Variants in TRAPPC9 observed in about 807,000 individuals in gnomAD.
The protein encoded by TRAPPC9 is trafficking protein particle complex subunit 9.
In TRAPPC9, 83 loss-of-function variants were observed where a neutral mutation model predicts 124.0. That is an observed-to-expected ratio of 0.67 (90% CI 0.56 to 0.80). The LOEUF (loss-of-function observed/expected upper bound fraction) is 0.80. Among genes scored for constraint, TRAPPC9 ranks in the 30% least tolerant of loss-of-function variants. The pLI, the probability that TRAPPC9 is intolerant of heterozygous loss-of-function variation, is 0.00. For missense variants in TRAPPC9, 1,302 were observed against 1,508.3 expected (o/e 0.86, Z 2.27); for synonymous variants, 638 against 617.5 (o/e 1.03, Z -0.49).
intron 21 of TRAPPC9, among the ~76,000 whole-genome samples, chr8:139,875,402 C>A (rs910706934): frequency 6.6e-6 from 1 of 152,216 alleles, no homozygotes; most frequent in African/African-American, 2.4e-5. Context: ...ACACTGGGGG[C>A]CTGTGAACAG....
chr8:139,758,803 A>G (rs906659417), intron 21 of TRAPPC9, among the ~76,000 whole-genome samples: 1 of 152,232 alleles, frequency 6.6e-6, no homozygotes, highest in African/African-American at 2.4e-5. Context: ...TATGCTACAA[A>G]TCAGCCAAGT....
chr8:140,302,898 T>C (rs1360149602), intron 10 of TRAPPC9: 1 of 152,174 alleles, frequency 6.6e-6, no homozygotes, highest in Non-Finnish European at 1.5e-5. Flanking sequence ...TCCTGAATGC[T>C]GCTATACATT....
chr8:140,169,333 C>A (rs1206849843), intron 17 of TRAPPC9, among the ~76,000 whole-genome samples: 3 of 152,120 alleles, frequency 2.0e-5, no homozygotes, highest in Non-Finnish European at 4.4e-5. Context: ...TCGCGCATGA[C>A]TGGCGGAAAT....
intron 17 of TRAPPC9, among the ~76,000 whole-genome samples, chr8:140,176,894 T>C (rs1189937573): frequency 6.6e-6 from 1 of 152,240 alleles, no homozygotes; most frequent in East Asian, 1.9e-4. Context: ...TGCATTTCCT[T>C]ACTGACAAGT....
chr8:139,888,605 T>TG (rs1482295209), intron 20 of TRAPPC9, among the ~76,000 whole-genome samples: 1 of 152,166 alleles, frequency 6.6e-6, no homozygotes, highest in Non-Finnish European at 1.5e-5. Context: ...CGAACTCCCT[T>TG]GGGGGTCTTA....
chr8:140,215,023 C>T (rs148905946), intron 17 of TRAPPC9, among the ~76,000 whole-genome samples: 1 of 152,182 alleles, frequency 6.6e-6, no homozygotes, highest in Non-Finnish European at 1.5e-5. Flanking sequence ...GATGCCCCTA[C>T]AGCAATAGAT....
At chr8:139,790,827 G>A (rs1344272767) in intron 21 of TRAPPC9, among the ~76,000 whole-genome samples, 1 of 152,162 alleles carries the variant, frequency 6.6e-6, no homozygotes, top group Non-Finnish European at 1.5e-5. Flanking sequence ...ACTCGATGTA[G>A]GGGTGGATTT....
chr8:139,748,489 C>T (rs548637122), intron 21 of TRAPPC9, among the ~76,000 whole-genome samples: 13 of 105,510 alleles, frequency 1.2e-4, no homozygotes, highest in African/African-American at 1.6e-4. Context: ...GGTGTCAGAG[C>T]AGGTAGGGGG....
intron 21 of TRAPPC9, among the ~76,000 whole-genome samples, chr8:139,796,134 A>AAGGAGGAGGAAGAGGAGG (rs1563819923): frequency 8.1e-6 from 1 of 123,798 alleles, no homozygotes; most frequent in Non-Finnish European, 1.8e-5. Context: ...GGAAGAGGAG[A>AAGGAGGAGGAAGAGGAGG]AGGAGGAGGA....
chr8:140,280,965 G>A (rs577617342), intron 14 of TRAPPC9, among the ~76,000 whole-genome samples: 3 of 152,334 alleles, frequency 2.0e-5, no homozygotes, highest in South Asian at 4.1e-4. Context: ...ACTGGGGCAC[G>A]TGTCCCTTCG....
intron 19 of TRAPPC9, among the ~76,000 whole-genome samples, chr8:139,976,361 A>G (rs1288357146): frequency 6.6e-6 from 1 of 152,230 alleles, no homozygotes; most frequent in Non-Finnish European, 1.5e-5. Flanking sequence ...CATATTTGTG[A>G]CCATGGATTA....
At chr8:140,364,990 C>T (rs1268186795) in intron 8 of TRAPPC9, among the ~76,000 whole-genome samples, 1 of 150,624 alleles carries the variant, frequency 6.6e-6, no homozygotes, top group Non-Finnish European at 1.5e-5. Context: ...CAACCAAAGG[C>T]CAGGGAGGGC....
At chr8:140,308,147 A>C (rs1284059807) in intron 10 of TRAPPC9, among the ~76,000 whole-genome samples, 1 of 151,996 alleles carries the variant, frequency 6.6e-6, no homozygotes, top group Admixed American at 6.6e-5. Context: ...GCCTCAACGA[A>C]GGAACAAAAC....
At chr8:139,841,903 C>T (rs1826758087) in intron 21 of TRAPPC9, among the ~76,000 whole-genome samples, 2 of 152,236 alleles carry the variant, frequency 1.3e-5, no homozygotes, top group Non-Finnish European at 2.9e-5. Context: ...AGCCACAGGA[C>T]AATGTCCAGG....
At chr8:140,423,130 A>T (rs2070280602) in intron 5 of TRAPPC9, among the ~76,000 whole-genome samples, 1 of 152,140 alleles carries the variant, frequency 6.6e-6, no homozygotes, top group African/African-American at 2.4e-5. Context: ...CTTCCTAGAC[A>T]TACACATAAT....
At chr8:139,994,330 G>A (rs986672820) in intron 18 of TRAPPC9, among the ~76,000 whole-genome samples, 7 of 152,344 alleles carry the variant, frequency 4.6e-5, no homozygotes, top group Middle Eastern at 3.4e-3. Context: ...CACACTGTGC[G>A]CCTGAGGCAC....
chr8:140,111,677 G>C (rs1243372404), intron 17 of TRAPPC9, among the ~76,000 whole-genome samples: 1 of 152,230 alleles, frequency 6.6e-6, no homozygotes, highest in Non-Finnish European at 1.5e-5. Context: ...ATGTGTGTAT[G>C]AGGACAACAT....
At chr8:139,823,234 G>A (rs1382941139) in intron 21 of TRAPPC9, among the ~76,000 whole-genome samples, 2 of 152,152 alleles carry the variant, frequency 1.3e-5, no homozygotes, top group Non-Finnish European at 2.9e-5. Context: ...GAGGAGCTTT[G>A]ATTGTCACAG....
intron 21 of TRAPPC9, among the ~76,000 whole-genome samples, chr8:139,843,673 C>T (rs1382298900): frequency 2.6e-5 from 4 of 152,192 alleles, no homozygotes; most frequent in Non-Finnish European, 5.9e-5. Context: ...GGACCAGCCA[C>T]TGCTGGCTTT....
Sources: allele counts gnomAD v4.1 joint callset (sites outside exome capture counted in the v4.1 genomes callset), GRCh38; gene constraint gnomAD v4.1.1; transcripts MANE v1.5; gene names NCBI Gene and HGNC (gene_info 2026-07-23, HGNC 2026-07-21).